The following CTNNA3 variants were observed in gnomAD, a reference collection of about 807,000 sequenced individuals.
The protein encoded by CTNNA3 is catenin alpha-3.
Under a neutral mutation model 95.7 loss-of-function variants are expected in CTNNA3, and 76 were observed. The observed-to-expected ratio is 0.79, with a 90% CI of 0.66 to 0.96. The LOEUF (loss-of-function observed/expected upper bound fraction) is 0.96, where lower values mean the gene tolerates loss of function less well. Ranked by LOEUF, CTNNA3 falls within the 40% of genes least tolerant of loss-of-function variation. The pLI, the probability that CTNNA3 is intolerant of heterozygous loss-of-function variation, is 0.00. For synonymous variants in CTNNA3, 431 were observed against 374.4 expected, an observed-to-expected ratio of 1.15 and a Z score of -1.74; for missense variants, 1,191 against 1,089.8, an observed-to-expected ratio of 1.09 and a Z score of -1.31.
At chr10:66,447,933 A>T (rs1466226585) in intron 11 of CTNNA3, among the ~76,000 whole-genome samples, 1 of 152,226 alleles carries the variant, frequency 6.6e-6, no homozygotes, top group African/African-American at 2.4e-5. Context: ...CTCATCTGAC[A>T]AAGGGCTAAT....
intron 17 of CTNNA3, among the ~76,000 whole-genome samples, chr10:65,924,344 C>G (rs942544616): frequency 6.6e-6 from 1 of 152,110 alleles, no homozygotes; most frequent in Non-Finnish European, 1.5e-5. Context: ...AACCCTGCAT[C>G]TTGATTATGC....
At chr10:66,339,626 T>C (rs1288356934) in intron 12 of CTNNA3, among the ~76,000 whole-genome samples, 1 of 151,878 alleles carries the variant, frequency 6.6e-6, no homozygotes, top group Non-Finnish European at 1.5e-5. Flanking sequence ...CTTTTATTTC[T>C]ACAGACAGGG....
chr10:66,392,724 TA>T (rs1285005684), intron 11 of CTNNA3, among the ~76,000 whole-genome samples: 2 of 151,956 alleles, frequency 1.3e-5, no homozygotes, highest in Admixed American at 6.6e-5. Context: ...AAAACACTGA[TA>T]ACACCAAACA....
intron 12 of CTNNA3, among the ~76,000 whole-genome samples, chr10:66,301,153 T>TA (rs1473506607): frequency 2.0e-5 from 3 of 152,054 alleles, no homozygotes; most frequent in Non-Finnish European, 2.9e-5. Context: ...AATAGGCTTA[T>TA]AGCTATTGAG....
chr10:66,790,905 C>A (rs1458077464), intron 7 of CTNNA3, among the ~76,000 whole-genome samples: 2 of 152,132 alleles, frequency 1.3e-5, no homozygotes. Flanking sequence ...CTGCTTATCC[C>A]TCCAATTGTA....
chr10:66,017,953 A>G (rs1231240555), intron 15 of CTNNA3, among the ~76,000 whole-genome samples: 1 of 152,190 alleles, frequency 6.6e-6, no homozygotes, highest in East Asian at 1.9e-4. Flanking sequence ...TTTTGTTATC[A>G]TAGTGAGGTA....
At position 66,275,310 on chromosome 10, in the gene CTNNA3, G is replaced by T. The variant is rs115057808; in HGVS notation, c.1884+5160C>A. On this transcript the variant is annotated intron_variant, in intron 13 of 17. Transcript: ENST00000433211. ...TTTTTTGTATTTTAGTAGAGATGAG[G>T]CTTCATCATGTTGGCCAGGCTGTTC... is the stretch of plus-strand genomic sequence containing the variant. 3.3e-3 allele frequency among the ~76,000 whole-genome samples: 495 copies of T among 152,244 alleles called. 3 individuals carry two copies. Among genetic ancestry groups the T allele is most frequent in the African/African-American group, 0.012 (478 of 41,548 alleles).
At chr10:66,724,409 C>T (rs1848720227) in intron 9 of CTNNA3, among the ~76,000 whole-genome samples, 1 of 152,126 alleles carries the variant, frequency 6.6e-6, no homozygotes, top group Non-Finnish European at 1.5e-5. Flanking sequence ...AGGGAATACG[C>T]CATTAATCTG....
intron 13 of CTNNA3, among the ~76,000 whole-genome samples, chr10:66,274,730 G>A (rs1156652216): frequency 2.6e-5 from 4 of 151,984 alleles, no homozygotes; most frequent in African/African-American, 4.8e-5. Context: ...TTTGGCAAAC[G>A]TATCCTCCAA....
intron 1 of CTNNA3, among the ~76,000 whole-genome samples, chr10:67,668,786 TAAAACCACA>T (rs1840375646): frequency 6.6e-6 from 1 of 150,854 alleles, no homozygotes; most frequent in Non-Finnish European, 1.5e-5. Context: ...CTTGAGTATC[TAAAACCACA>T]GAAAATGCAA....
intron 11 of CTNNA3, among the ~76,000 whole-genome samples, chr10:66,481,154 T>A (rs1839510242): frequency 6.6e-6 from 1 of 152,136 alleles, no homozygotes; most frequent in Admixed American, 6.5e-5. Context: ...TCTGTATATA[T>A]GAGTATATGT....
chr10:67,338,417 G>A (rs1377293274), intron 5 of CTNNA3, among the ~76,000 whole-genome samples: 1 of 152,100 alleles, frequency 6.6e-6, no homozygotes, highest in African/African-American at 2.4e-5. Flanking sequence ...CTGCCCCCAT[G>A]ATCCAAACAC....
At chr10:65,957,036 G>T (rs1055120770) in intron 17 of CTNNA3, among the ~76,000 whole-genome samples, 1 of 152,118 alleles carries the variant, frequency 6.6e-6, no homozygotes, top group African/African-American at 2.4e-5. Flanking sequence ...TCTCTTTGTA[G>T]GTCTCTAAGG....
At chr10:67,421,019 A>C (rs1178387555) in intron 5 of CTNNA3, among the ~76,000 whole-genome samples, 1 of 152,192 alleles carries the variant, frequency 6.6e-6, no homozygotes, top group African/African-American at 2.4e-5. Flanking sequence ...TTTATAATGA[A>C]ATAACATCAC....
At chr10:67,075,803 A>G (rs571428020) in intron 7 of CTNNA3, among the ~76,000 whole-genome samples, 24 of 152,346 alleles carry the variant, frequency 1.6e-4, no homozygotes, top group African/African-American at 5.5e-4. Flanking sequence ...AAAGCCATCT[A>G]TTTTTAAAAT....
chr10:67,025,322 A>C (rs563522700), intron 7 of CTNNA3, among the ~76,000 whole-genome samples: 3 of 151,348 alleles, frequency 2.0e-5, no homozygotes, highest in South Asian at 2.1e-4. Flanking sequence ...CTATTTTGTA[A>C]GCCCATGCAA....
At chr10:67,416,726 G>GC (rs1024058417) in intron 5 of CTNNA3, among the ~76,000 whole-genome samples, 2 of 151,654 alleles carry the variant, frequency 1.3e-5, no homozygotes, top group African/African-American at 2.4e-5. Context: ...TCAGAGAAAT[G>GC]CAAGTCAAAA....
chr10:67,406,384 A>T (rs1250929039), intron 5 of CTNNA3, among the ~76,000 whole-genome samples: 1 of 152,168 alleles, frequency 6.6e-6, no homozygotes, highest in Admixed American at 6.6e-5. Flanking sequence ...TGAGAACAAA[A>T]ATACAACATA....
chr10:66,412,946 G>A (rs12251548), intron 11 of CTNNA3, among the ~76,000 whole-genome samples: 20,493 of 152,006 alleles, frequency 0.13, 1,773 homozygotes, highest in African/African-American at 0.25. Flanking sequence ...TTAATTTTAA[G>A]TATCCAAAAG....
Sources: allele counts gnomAD v4.1 joint callset (sites outside exome capture counted in the v4.1 genomes callset), GRCh38; gene constraint gnomAD v4.1.1; transcripts MANE v1.5; gene names NCBI Gene and HGNC (gene_info 2026-07-23, HGNC 2026-07-21).